OR3A2: variants seen among roughly 807,000 people sequenced by gnomAD.
OR3A2 encodes the protein olfactory receptor 3A2.
For missense variants in OR3A2, 318 were observed against 392.8 expected (o/e 0.81, Z 1.61); for synonymous variants, 126 against 159.3 (o/e 0.79, Z 1.57).
At chr17:3,379,322 G>A (rs919780455) in intron 2 of OR3A2, among the ~76,000 whole-genome samples, 3 of 152,142 alleles carry the variant, frequency 2.0e-5, no homozygotes, top group South Asian at 2.1e-4. Context: ...ATGAGGACAC[G>A]ACAGTCAAAA....
intron 3 of OR3A2, chr17:3,310,278 C>G (rs1318761395): frequency 1.9e-6 from 1 of 517,200 alleles, no homozygotes. Flanking sequence ...CCCCATCTAA[C>G]ACTGCTCAGT....
intron 2 of OR3A2, among the ~76,000 whole-genome samples, chr17:3,343,223 G>A (rs1193807957): frequency 1.3e-5 from 2 of 152,062 alleles, no homozygotes; most frequent in East Asian, 1.9e-4. Flanking sequence ...CAGGTGAGGC[G>A]ATGCCCTGCC....
intron 3 of OR3A2, among the ~76,000 whole-genome samples, chr17:3,293,738 A>G (rs182397937): frequency 3.5e-4 from 53 of 152,358 alleles, no homozygotes; most frequent in Admixed American, 9.8e-4. Context: ...TGGATAAAGA[A>G]AATGTGGTAC....
intron 3 of OR3A2, among the ~76,000 whole-genome samples, chr17:3,323,835 T>C (rs373026329): frequency 3.9e-5 from 6 of 151,972 alleles, no homozygotes; most frequent in African/African-American, 4.8e-5. Context: ...AATTATGTGT[T>C]TTGGAGTTGC....
intron 2 of OR3A2, among the ~76,000 whole-genome samples, chr17:3,372,414 G>A (rs972653141): frequency 6.6e-6 from 1 of 152,006 alleles, no homozygotes; most frequent in Non-Finnish European, 1.5e-5. Context: ...TCACTTCCCA[G>A]ACGGGGTGGC....
At chr17:3,307,619 C>T (rs1287021660) in intron 3 of OR3A2, among the ~76,000 whole-genome samples, 1 of 152,178 alleles carries the variant, frequency 6.6e-6, no homozygotes, top group East Asian at 1.9e-4. Flanking sequence ...GTGTTGGAGG[C>T]ATGAGACTAG....
chr17:3,281,883 G>T (rs537127509), intron 1 of OR3A2, among the ~76,000 whole-genome samples: 29 of 152,106 alleles, frequency 1.9e-4, no homozygotes, highest in Non-Finnish European at 3.8e-4. Context: ...CTTTCACCAA[G>T]AATTTTGATT....
In OR3A2 at chr17:3,354,839, T is replaced by C. The variant is rs1041337251; in HGVS notation, c.-178-18713A>G. On this transcript the variant is annotated intron_variant, in intron 2 of 4. Coordinates refer to the OR3A2 transcript ENST00000573491. ...CTCTTGCTTTTCTTGTTCTTTAAGA[T>C]GCATCATTAGGCTATTTATTTGAAG... Among the ~76,000 whole-genome samples the C allele has an allele frequency of 1.5e-4, 23 of 151,434 alleles. 2 individuals carry two copies. The highest frequency in any genetic ancestry group is 5.6e-4 in the African/African-American group (23 of 40,992).
upstream of OR3A2, among the ~76,000 whole-genome samples, chr17:3,286,819 GCT>G (rs1369046065): frequency 6.6e-6 from 1 of 152,142 alleles, no homozygotes; most frequent in Non-Finnish European, 1.5e-5. Context: ...CTGGATATTA[GCT>G]CTTTGTCAGA....
At chr17:3,348,577 G>C (rs2049390484) in intron 2 of OR3A2, among the ~76,000 whole-genome samples, 1 of 152,180 alleles carries the variant, frequency 6.6e-6, no homozygotes, top group Non-Finnish European at 1.5e-5. Context: ...AAGTGACGGG[G>C]AGAATGGAAC....
At chr17:3,337,718 A>G (rs1213789107) in intron 2 of OR3A2, among the ~76,000 whole-genome samples, 1 of 152,202 alleles carries the variant, frequency 6.6e-6, no homozygotes, top group Non-Finnish European at 1.5e-5. Flanking sequence ...TATTGTGAAT[A>G]GTGCCACAAT....
chr17:3,332,236 C>T (rs1270260420), intron 3 of OR3A2, among the ~76,000 whole-genome samples: 1 of 152,242 alleles, frequency 6.6e-6, no homozygotes, highest in Non-Finnish European at 1.5e-5. Flanking sequence ...TGGTGGGCTC[C>T]ACCCAGTTCG....
rs575081117 is a variant in OR3A2, at chr17:3,371,849, G to A, written c.-179+11955C>T. Reference sequence around the variant, plus strand: ...CTGACCTCCCCACCACCTCCCGCCCGGACGGGGCGGCTGGCCGGGAGGGGA... The same window carrying A: ...CTGACCTCCCCACCACCTCCCGCCCAGACGGGGCGGCTGGCCGGGAGGGGA... On this transcript the variant is annotated intron_variant, in intron 2 of 4. Coordinates refer to the OR3A2 transcript ENST00000573491. Among the ~76,000 whole-genome samples the A allele has an allele frequency of 2.3e-3, 325 of 138,650 alleles. 7 individuals carry two copies. The highest frequency in any genetic ancestry group is 2.1e-3 in the Non-Finnish European group (137 of 64,300). The allele number at this position is 138,650 out of a possible 152,430, so 91.0% of individuals were successfully genotyped here.
chr17:3,375,010 A>G (rs372468047), intron 2 of OR3A2, among the ~76,000 whole-genome samples: 11 of 151,766 alleles, frequency 7.2e-5, no homozygotes, highest in African/African-American at 2.7e-4. Flanking sequence ...GTCTCCAGAG[A>G]ATTTTTCATT....
exon 2 of OR3A2, chr17:3,383,805 T>C (rs1193920323): frequency 6.6e-6 from 1 of 152,132 alleles, no homozygotes; most frequent in Non-Finnish European, 1.5e-5. Context: ...TCTGGTTACC[T>C]TAGGAAGTTG....
intron 1 of OR3A2, 59 bp downstream of exon 1, chr17:3,386,066 T>C: frequency 2.5e-6 from 1 of 398,784 alleles, no homozygotes; most frequent in Middle Eastern, 6.3e-4. Context: ...CTGAGCATGG[T>C]GGCGCTGGTG....
rs144090356 is a variant in OR3A2, at chr17:3,328,848, G to A, written c.-85+7185C>T. The stretch of plus-strand genomic sequence containing the variant: ...TTTTTGTCTTCGGCTCTGTTTATAT[G>A]CTGGATTACATTTATTGATTTGCGA... On this transcript the variant is annotated intron_variant, in intron 3 of 4. Transcript: ENST00000573491. Among the ~76,000 whole-genome samples, 322 of 141,832 alleles carry A rather than the reference G, an allele frequency of 2.3e-3. 19 individuals are homozygous for A. Among genetic ancestry groups the A allele is most frequent in the Middle Eastern group, 0.02 (5 of 246 alleles). The allele number at this position is 141,832 out of a possible 152,430, so 93.0% of individuals were successfully genotyped here. A position where few individuals can be genotyped will look rare whatever the true frequency, so the allele number is the denominator to read the frequency against.
chr17:3,334,544 TG>T (rs1366153028), intron 3 of OR3A2, among the ~76,000 whole-genome samples: 1 of 152,220 alleles, frequency 6.6e-6, no homozygotes, highest in African/African-American at 2.4e-5. Flanking sequence ...TGCCTCATTC[TG>T]GAAATTTCCG....
At chr17:3,291,972 GC>G in intron 3 of OR3A2, 2 of 1,614,212 alleles carry the variant, frequency 1.2e-6, no homozygotes, top group South Asian at 2.2e-5. Flanking sequence ...AAAACCCACA[GC>G]AAAAAGCAGC....
Sources: allele counts gnomAD v4.1 joint callset (sites outside exome capture counted in the v4.1 genomes callset), GRCh38; gene constraint gnomAD v4.1.1; transcripts MANE v1.5; gene names NCBI Gene and HGNC (gene_info 2026-07-23, HGNC 2026-07-21).